Variants in COL4A4 observed in about 807,000 individuals in gnomAD.
The protein encoded by COL4A4 is collagen alpha-4(IV) chain.
Under a neutral mutation model 192.9 loss-of-function variants are expected in COL4A4, and 105 were observed. The observed-to-expected ratio is 0.54, with a 90% confidence interval of 0.46 to 0.64. The LOEUF is 0.64. Among genes scored for constraint, COL4A4 ranks in the 30% least tolerant of loss-of-function variants. COL4A4 has a pLI of 0.00. For missense variants in COL4A4, 1,967 were observed against 2,169.3 expected, an observed-to-expected ratio of 0.91 and a Z score of 1.85; for synonymous variants, 762 against 769.9, an observed-to-expected ratio of 0.99 and a Z score of 0.17.
At chr2:226,996,950 A>C in the COL4A4 span, 1 of 152,230 alleles carries the variant, frequency 6.6e-6, no homozygotes, top group African/African-American at 2.4e-5. Flanking sequence ...CCCTACCCTT[A>C]GAGGTACCCA....
At chr2:227,072,502 T>C (rs1223308133) in intron 25 of COL4A4, among the ~76,000 whole-genome samples, 1 of 151,944 alleles carries the variant, frequency 6.6e-6, no homozygotes. Context: ...CAAATCCTAC[T>C]GAAACTGTTC....
At chr2:227,136,985 G>A (rs1314187905) in intron 4 of COL4A4, among the ~76,000 whole-genome samples, 7 of 152,018 alleles carry the variant, frequency 4.6e-5, no homozygotes, top group African/African-American at 1.2e-4. Context: ...CTTCTGTTAC[G>A]CACAAGTCAC....
intron 28 of COL4A4, among the ~76,000 whole-genome samples, chr2:227,058,185 G>A (rs934467016): frequency 6.6e-5 from 10 of 152,280 alleles, no homozygotes; most frequent in Admixed American, 1.3e-4. Context: ...ATCTGCAAAT[G>A]TTTTCCAGTT....
intron 43 of COL4A4, 186 bp from the exon 44 acceptor site, chr2:227,022,359 T>C: frequency 2.3e-6 from 2 of 856,574 alleles, no homozygotes; most frequent in East Asian, 2.5e-5. Context: ...GGCAGAAATT[T>C]GTCTTATGCC....
intron 19 of COL4A4, among the ~76,000 whole-genome samples, chr2:227,097,577 T>C (rs953571298): frequency 1.3e-5 from 2 of 152,208 alleles, no homozygotes; most frequent in Non-Finnish European, 2.9e-5. Context: ...AGATCTTCAT[T>C]TTAATATGCT....
the COL4A4 span, among the ~76,000 whole-genome samples, chr2:226,992,654 TGGAA>T: frequency 6.6e-6 from 1 of 152,226 alleles, no homozygotes; most frequent in Non-Finnish European, 1.5e-5. Flanking sequence ...GAACTTAGAC[TGGAA>T]CTTCTTATTT....
At chr2:227,144,623 A>G in intron 2 of COL4A4, 65 bp from the exon 3 acceptor site, 1 of 1,310,662 alleles carries the variant, frequency 7.6e-7, no homozygotes, top group South Asian at 1.2e-5. Flanking sequence ...AAAAAGAAAA[A>G]GAGTAAAGGA....
At chr2:227,041,915 A>G (rs142524295) in intron 37 of COL4A4, among the ~76,000 whole-genome samples, 234 of 151,072 alleles carry the variant, frequency 1.5e-3, no homozygotes, top group African/African-American at 5.3e-3. Flanking sequence ...AGAAAGAAAG[A>G]AAGAAAGAAA....
intron 4 of COL4A4, 54 bp from the exon 5 acceptor site, chr2:227,121,202 T>G: frequency 6.3e-7 from 1 of 1,588,724 alleles, no homozygotes; most frequent in South Asian, 1.1e-5. Context: ...TACTGTCTTC[T>G]AACACAAACA....
chr2:226,995,482 A>T, the COL4A4 span: 1 of 1,613,350 alleles, frequency 6.2e-7, no homozygotes. Context: ...TCACCAGAAG[A>T]AATGAGGAGA....
At chr2:227,085,312 G>A (rs1053938327) in intron 22 of COL4A4, among the ~76,000 whole-genome samples, 5 of 152,088 alleles carry the variant, frequency 3.3e-5, no homozygotes, top group Non-Finnish European at 7.4e-5. Context: ...CAGCAGCAGT[G>A]GGAACGCAAT....
intron 24 of COL4A4, among the ~76,000 whole-genome samples, chr2:227,078,387 C>T (rs1005949835): frequency 2.6e-5 from 4 of 152,030 alleles, no homozygotes; most frequent in Non-Finnish European, 5.9e-5. Context: ...GGATTACAGG[C>T]ACCCACCAGC....
intron 17 of COL4A4, among the ~76,000 whole-genome samples, chr2:227,100,636 TA>T (rs1176061651): frequency 2.0e-5 from 3 of 152,104 alleles, no homozygotes; most frequent in Non-Finnish European, 2.9e-5. Flanking sequence ...TTTGGTAGCC[TA>T]GGGGTTCTGA....
At chr2:227,032,948 G>A (rs1182096912) in intron 38 of COL4A4, among the ~76,000 whole-genome samples, 1 of 152,164 alleles carries the variant, frequency 6.6e-6, no homozygotes, top group African/African-American at 2.4e-5. Flanking sequence ...AGATTAACCT[G>A]TTTGCGGTAT....
the COL4A4 span, chr2:226,969,102 T>C: frequency 2.3e-4 from 46 of 196,624 alleles, no homozygotes; most frequent in Non-Finnish European, 3.3e-4. Context: ...AACCAGAAGC[T>C]ACTCTTCCCA....
intron 47 of COL4A4, 78 bp downstream of exon 47, chr2:227,007,940 C>T (rs2149718714): frequency 6.5e-6 from 10 of 1,545,046 alleles, no homozygotes; most frequent in African/African-American, 1.4e-5. Context: ...GAATTACTGT[C>T]CAATCCAGAG....
chr2:227,033,580 G>T, intron 37 of COL4A4, 99 bp from the exon 38 acceptor site: 1 of 1,019,746 alleles, frequency 9.8e-7, no homozygotes. Context: ...GCGCGTTGCT[G>T]GGGCCAGCAA....
At chr2:226,984,911 G>T in the COL4A4 span, among the ~76,000 whole-genome samples, 4 of 137,690 alleles carry the variant, frequency 2.9e-5, no homozygotes, top group African/African-American at 1.1e-4. Context: ...CCCTTCTGAT[G>T]CTCTCCTGGG....
Position 227,120,068 on chromosome 2 carries a change from A to AT in COL4A4, c.328-130dup, listed in dbSNP as rs141376350. On this transcript the variant is annotated intron_variant, in intron 5 of 47. Transcript: ENST00000396625. ...GCAGTCATTGTCACCTATTTTTTAC[A>AT]TGATGAGTCTAAAAGCCAACATTTA... The AT allele has an allele frequency of 0.011, 7,214 of 632,016 alleles. 385 individuals carry two copies. In the African/African-American group the frequency reaches 0.12, roughly 10 times the overall value. 39.2% of individuals were successfully genotyped at this position (632,016 alleles called of 1,614,324 possible). A position where few individuals can be genotyped will look rare whatever the true frequency, so the allele number is the denominator to read the frequency against.
Sources: allele counts gnomAD v4.1 joint callset (sites outside exome capture counted in the v4.1 genomes callset), GRCh38; gene constraint gnomAD v4.1.1; transcripts MANE v1.5; gene names NCBI Gene and HGNC (gene_info 2026-07-23, HGNC 2026-07-21).